RBFOX1: variants seen among roughly 807,000 people sequenced by gnomAD.
RBFOX1 encodes RNA binding protein fox-1 homolog 1.
In RBFOX1, 8 loss-of-function variants were observed where a neutral mutation model predicts 57.7. The observed-to-expected ratio is 0.14, with a 90% CI of 0.08 to 0.25. The LOEUF is 0.25. RBFOX1 is among the 10% of genes least tolerant of loss of function. The probability of loss-of-function intolerance (pLI) is 1.00; values close to 1 mark genes in which losing one functional copy is unlikely to be tolerated. For missense variants in RBFOX1, 611 were observed against 548.5 expected, an observed-to-expected ratio of 1.11 and a Z score of -1.14; for synonymous variants, 326 against 222.4, an observed-to-expected ratio of 1.47 and a Z score of -4.15.
chr16:5,330,638 C>T (rs2064726422), intron 1 of RBFOX1, among the ~76,000 whole-genome samples: 1 of 151,826 alleles, frequency 6.6e-6, no homozygotes, highest in Non-Finnish European at 1.5e-5. Flanking sequence ...CTTCTGACCT[C>T]AGGTGATCTG....
chr16:7,312,343 G>A (rs557518310), intron 4 of RBFOX1, among the ~76,000 whole-genome samples: 2 of 152,240 alleles, frequency 1.3e-5, no homozygotes, highest in Non-Finnish European at 2.9e-5. Context: ...TCGCGGCGTT[G>A]CACTCCAGCC....
At chr16:7,012,742 C>G (rs1355769404) in intron 3 of RBFOX1, among the ~76,000 whole-genome samples, 2 of 152,188 alleles carry the variant, frequency 1.3e-5, no homozygotes, top group Admixed American at 1.3e-4. Flanking sequence ...GCTGTGCACA[C>G]TGGATTAGAG....
intron 2 of RBFOX1, among the ~76,000 whole-genome samples, chr16:6,408,802 G>C (rs532222192): frequency 2.6e-5 from 4 of 152,250 alleles, no homozygotes; most frequent in African/African-American, 9.6e-5. Flanking sequence ...ATTTGTGTTT[G>C]CATTTTAATT....
chr16:6,578,077 G>A (rs2097469979), intron 2 of RBFOX1, among the ~76,000 whole-genome samples: 1 of 151,512 alleles, frequency 6.6e-6, no homozygotes, highest in African/African-American at 2.4e-5. Context: ...AAAAAATAAG[G>A]TAATAAGTTA....
At chr16:5,498,810 C>T (rs2043091106) in intron 2 of RBFOX1, among the ~76,000 whole-genome samples, 1 of 152,246 alleles carries the variant, frequency 6.6e-6, no homozygotes, top group South Asian at 2.1e-4. Context: ...CTGCACCCAT[C>T]ACTCCCTCCC....
chr16:7,370,411 G>T (rs974668953), intron 4 of RBFOX1, among the ~76,000 whole-genome samples: 7 of 152,168 alleles, frequency 4.6e-5, no homozygotes, highest in Non-Finnish European at 8.8e-5. Context: ...AACTGATTCT[G>T]AATTTTCCAA....
intron 2 of RBFOX1, among the ~76,000 whole-genome samples, chr16:6,576,317 C>T (rs926503970): frequency 1.3e-5 from 2 of 152,184 alleles, no homozygotes; most frequent in East Asian, 1.9e-4. Context: ...ATGCCATTTC[C>T]CCAAACACGC....
intron 3 of RBFOX1, among the ~76,000 whole-genome samples, chr16:5,722,574 A>G (rs1003940247): frequency 6.6e-5 from 10 of 152,152 alleles, no homozygotes; most frequent in African/African-American, 2.4e-4. Flanking sequence ...GTTTGGTCCC[A>G]GGAAGGCATC....
intron 15 of RBFOX1, chr16:7,709,472 C>A: frequency 6.9e-7 from 1 of 1,448,848 alleles, no homozygotes; most frequent in South Asian, 1.4e-5. Flanking sequence ...TTTTTTCCCT[C>A]CCTTGCTGCT....
At chr16:6,907,456 T>A (rs566802039) in intron 3 of RBFOX1, among the ~76,000 whole-genome samples, 1 of 152,312 alleles carries the variant, frequency 6.6e-6, no homozygotes, top group East Asian at 1.9e-4. Flanking sequence ...GATCGTCTTG[T>A]GTTCTGAAGG....
chr16:6,394,258 A>C (rs545316205), intron 2 of RBFOX1, among the ~76,000 whole-genome samples: 3 of 152,222 alleles, frequency 2.0e-5, no homozygotes, highest in Non-Finnish European at 4.4e-5. Flanking sequence ...ATCTGAAAAC[A>C]AAAGGGATAA....
At chr16:6,035,938 C>T (rs896988282) in intron 1 of RBFOX1, among the ~76,000 whole-genome samples, 8 of 152,292 alleles carry the variant, frequency 5.3e-5, no homozygotes, top group Middle Eastern at 3.4e-3. Context: ...TTTGGAATTA[C>T]GATCTTATTT....
chr16:6,888,364 G>GT (rs1476121727), intron 3 of RBFOX1, among the ~76,000 whole-genome samples: 2 of 151,962 alleles, frequency 1.3e-5, no homozygotes, highest in South Asian at 2.1e-4. Flanking sequence ...AAACTTTTTC[G>GT]TTTTTTTGTG....
At position 7,498,412 on chromosome 16, in the gene RBFOX1, A is replaced by G. The variant is rs116836786; in HGVS notation, c.28-19735A>G. ...AGCTAGCATTGTCCAACAGAAATAT[A>G]ACCATGGTCACAAATATGAATCACA... On this transcript the variant is annotated intron_variant, in intron 4 of 15. Coordinates refer to ENST00000550418, the MANE Select transcript of RBFOX1 (RefSeq NM_018723.4). 4.8e-3 allele frequency among the ~76,000 whole-genome samples: 737 copies of G among 151,988 alleles called. 11 individuals carry two copies. Among genetic ancestry groups the G allele is most frequent in the African/African-American group, 0.017 (699 of 41,494 alleles).
intron 2 of RBFOX1, among the ~76,000 whole-genome samples, chr16:6,645,572 C>G (rs1414485333): frequency 6.6e-6 from 1 of 152,128 alleles, no homozygotes; most frequent in Non-Finnish European, 1.5e-5. Flanking sequence ...AGAAGTCTCT[C>G]TCGGGAGAGA....
At chr16:7,156,683 A>G (rs1196828897) in intron 4 of RBFOX1, among the ~76,000 whole-genome samples, 3 of 152,150 alleles carry the variant, frequency 2.0e-5, no homozygotes, top group Admixed American at 6.6e-5. Flanking sequence ...TAGTAGTTCT[A>G]TAGTATTCCC....
chr16:6,666,316 C>G (rs1025497969), intron 3 of RBFOX1, among the ~76,000 whole-genome samples: 1 of 152,120 alleles, frequency 6.6e-6, no homozygotes, highest in Non-Finnish European at 1.5e-5. Flanking sequence ...GGCGGATCAC[C>G]TGAGGTCAGG....
intron 3 of RBFOX1, among the ~76,000 whole-genome samples, chr16:5,733,531 C>T (rs1004928547): frequency 6.6e-5 from 10 of 152,110 alleles, no homozygotes; most frequent in African/African-American, 2.2e-4. Flanking sequence ...ATTTACGTGA[C>T]CTTGGCCAGG....
chr16:5,685,523 C>G (rs2050478697), intron 3 of RBFOX1, among the ~76,000 whole-genome samples: 1 of 152,192 alleles, frequency 6.6e-6, no homozygotes, highest in African/African-American at 2.4e-5. Context: ...ATTAAGTTAT[C>G]ACAGGGTTGG....
Sources: gnomAD v4.1 joint callset for allele counts (sites outside exome capture counted in the v4.1 genomes callset) on GRCh38, gnomAD v4.1.1 for gene constraint, MANE v1.5 for transcripts, NCBI Gene and HGNC (gene_info 2026-07-23, HGNC 2026-07-21) for gene names.